The following KCNJ12 variants were observed in gnomAD, a reference collection of about 807,000 sequenced individuals.
KCNJ12 encodes ATP-sensitive inward rectifier potassium channel 12.
A neutral mutation model predicts 22.3 loss-of-function variants in KCNJ12; 2 were observed. The observed-to-expected ratio is 0.09, with a 90% confidence interval of 0.04 to 0.28. The LOEUF is 0.28. KCNJ12 is among the 10% of genes least tolerant of loss of function. The pLI is 1.00. For synonymous variants in KCNJ12, 117 were observed against 261.4 expected (o/e 0.45, Z 5.33); for missense variants, 155 against 633.3 (o/e 0.24, Z 8.11).
At chr17:21,390,570 G>C (rs547827916) in intron 1 of KCNJ12, among the ~76,000 whole-genome samples, 1 of 152,236 alleles carries the variant, frequency 6.6e-6, no homozygotes, top group African/African-American at 2.4e-5. Flanking sequence ...GGGATGGGGA[G>C]GGGGAGCAAT....
chr17:21,394,337 A>G (rs1905282522), intron 1 of KCNJ12, among the ~76,000 whole-genome samples: 1 of 152,222 alleles, frequency 6.6e-6, no homozygotes, highest in Admixed American at 6.5e-5. Flanking sequence ...CTTGCTGTAC[A>G]GGTTTGCTGC....
At position 21,402,716 on chromosome 17, in the gene KCNJ12, C is replaced by T. The variant is rs1314515626; in HGVS notation, c.-178-5803C>T. 5.9e-5 allele frequency among the ~76,000 whole-genome samples: 9 copies of T among 152,424 alleles called. No individual in the cohort carries two copies. In the South Asian group the frequency reaches 6.2e-4, roughly 11 times the overall value. ...AAGGAAGCTAAGAAAGCAACTGTAA[C>T]GTGCTCCCCTACAGAGAGCAGACAG... is the stretch of plus-strand genomic sequence containing the variant. On this transcript the variant is annotated intron_variant, in intron 1 of 2. Coordinates refer to ENST00000583088, the MANE Select transcript of KCNJ12 (RefSeq NM_021012.5).
chr17:21,388,890 T>C (rs1405736962), intron 1 of KCNJ12, among the ~76,000 whole-genome samples: 5 of 152,118 alleles, frequency 3.3e-5, no homozygotes, highest in African/African-American at 1.2e-4. Context: ...GGTAGAGACA[T>C]CCTGGGCCTG....
intron 1 of KCNJ12, among the ~76,000 whole-genome samples, chr17:21,395,337 G>T (rs1264664074): frequency 6.8e-6 from 1 of 148,080 alleles, no homozygotes; most frequent in Non-Finnish European, 1.5e-5. Context: ...ACTCATGCCT[G>T]TAATCCCAGC....
intron 1 of KCNJ12, among the ~76,000 whole-genome samples, chr17:21,384,414 C>T (rs1905001648): frequency 6.6e-6 from 1 of 152,120 alleles, no homozygotes; most frequent in Admixed American, 6.5e-5. Context: ...AGGAGAGGTA[C>T]CGAGTCCTCG....
chr17:21,415,927 G>C lies in KCNJ12; in HGVS notation c.585G>C (p.Leu195=). The change falls in exon 3 of 3, where the codon CTG becomes CTC. Residue 195 remains leucine (L), a synonymous_variant. Transcript: ENST00000583088. ...ARPKKRAQTL[L]FSHNAVVALR... ...CCAAGAAGCGGGCACAGACGCTGCT[G>C]TTCAGCCACAACGCCGTGGTGGCCC... The C allele has an allele frequency of 6.2e-7, 1 of 1,609,460 alleles. No homozygotes were observed. The highest frequency in any genetic ancestry group is 8.5e-7 in the Non-Finnish European group (1 of 1,178,306).
intron 1 of KCNJ12, among the ~76,000 whole-genome samples, chr17:21,403,898 T>A (rs1340439181): frequency 2.0e-5 from 3 of 152,302 alleles, no homozygotes; most frequent in Admixed American, 6.5e-5. Flanking sequence ...AGGATTTGAA[T>A]TCATGCCTTG....
chr17:21,378,939 G>C (rs1904770667), intron 1 of KCNJ12, among the ~76,000 whole-genome samples: 1 of 152,190 alleles, frequency 6.6e-6, no homozygotes, highest in Admixed American at 6.5e-5. Flanking sequence ...TGCCTGGGAA[G>C]TGGTGGAGGG....
chr17:21,412,122 A>T (rs1446531477), intron 2 of KCNJ12, among the ~76,000 whole-genome samples: 398 of 152,216 alleles, frequency 2.6e-3, no homozygotes, highest in African/African-American at 8.5e-3. Context: ...CTCAGTTTCC[A>T]GGGGTCCTGG....
Position 21,419,295 on chromosome 17 carries a change from CGTGTGTGT to C in KCNJ12, c.*2678_*2685del, listed in dbSNP as rs3078445. 0.013 allele frequency: 2,055 copies of C among 158,284 alleles called. 43 individuals are homozygous for C. Among genetic ancestry groups the C allele is most frequent in the African/African-American group, 0.05 (1,961 of 39,282 alleles). The allele number at this position is 158,284 out of a possible 1,614,324, so 9.8% of individuals were successfully genotyped here. On this transcript the variant is annotated 3_prime_UTR_variant, in exon 3 of 3. Coordinates refer to ENST00000583088, the MANE Select transcript of KCNJ12 (RefSeq NM_021012.5). ...TAGTAATACAGATACGTGATCTATACGTGTGTGTGTGTGTGTGTGTGTGTGTGTGTGTG... is the reference window on the plus strand; with the variant it reads ...TAGTAATACAGATACGTGATCTATACGTGTGTGTGTGTGTGTGTGTGTGTG...
chr17:21,397,782 C>T (rs1022389329), intron 1 of KCNJ12, among the ~76,000 whole-genome samples: 2 of 152,186 alleles, frequency 1.3e-5, no homozygotes, highest in African/African-American at 4.8e-5. Flanking sequence ...CTCAGGGCCT[C>T]ATACTCTGCC....
At chr17:21,409,325 G>GCGT (rs1906179490) in intron 2 of KCNJ12, among the ~76,000 whole-genome samples, 1 of 152,306 alleles carries the variant, frequency 6.6e-6, no homozygotes, top group South Asian at 2.1e-4. Context: ...AGGAGACTTG[G>GCGT]TGTGGGGCAT....
intron 1 of KCNJ12, among the ~76,000 whole-genome samples, chr17:21,390,654 A>T (rs1021637719): frequency 6.6e-6 from 1 of 152,002 alleles, no homozygotes; most frequent in South Asian, 2.1e-4. Flanking sequence ...AACAATAAGC[A>T]TTTCTTCCAG....
At chr17:21,377,866 C>T (rs1904720573) in intron 1 of KCNJ12, among the ~76,000 whole-genome samples, 1 of 152,128 alleles carries the variant, frequency 6.6e-6, no homozygotes, top group Non-Finnish European at 1.5e-5. Context: ...CTGGGACCTC[C>T]CCCTCCCCAT....
At position 21,417,784 on chromosome 17, in the gene KCNJ12, C is replaced by T. The variant is rs1251258077; in HGVS notation, c.*1140C>T. 6.0e-6 allele frequency: 1 copy of T among 166,752 alleles called. No homozygotes were observed. The highest frequency in any genetic ancestry group is 1.5e-5 in the Non-Finnish European group (1 of 68,164). The allele number at this position is 166,752 out of a possible 1,614,324, so 10.3% of individuals were successfully genotyped here. ...AAGTTCCTCCAGCCCCTCTGTCTGCCTTGTGAAGGTGGCAGGGGCCAGGTC... is the reference window on the plus strand; with the variant it reads ...AAGTTCCTCCAGCCCCTCTGTCTGCTTTGTGAAGGTGGCAGGGGCCAGGTC... On this transcript the variant is annotated 3_prime_UTR_variant, in exon 3 of 3. Transcript: ENST00000583088.
intron 1 of KCNJ12, among the ~76,000 whole-genome samples, chr17:21,395,835 G>A (rs1905345237): frequency 6.6e-6 from 1 of 152,186 alleles, no homozygotes; most frequent in African/African-American, 2.4e-5. Context: ...CACTGGCCTG[G>A]GGAGAGGGGA....
At chr17:21,386,346 C>T (rs1905068875) in intron 1 of KCNJ12, among the ~76,000 whole-genome samples, 1 of 152,132 alleles carries the variant, frequency 6.6e-6, no homozygotes, top group Non-Finnish European at 1.5e-5. Flanking sequence ...CTCTCTCTCA[C>T]TCTTTCTGTT....
At position 21,409,806 on chromosome 17, in the gene KCNJ12, A is replaced by T. The variant is rs1166770658; in HGVS notation, c.-57+1166A>T. Among the ~76,000 whole-genome samples the T allele has an allele frequency of 5.9e-5, 9 of 152,394 alleles. No homozygotes were observed. The East Asian group carries it at 7.7e-4, about 13-fold the overall frequency. On this transcript the variant is annotated intron_variant, in intron 2 of 2. Transcript: ENST00000583088. ...GCACCCACCACCCCATGCCCTGCAC[A>T]CAGTGATGTGTTGCTGCTGCCTCTC... is the stretch of plus-strand genomic sequence containing the variant.
At chr17:21,395,449 G>A (rs1905324325) in intron 1 of KCNJ12, among the ~76,000 whole-genome samples, 1 of 150,428 alleles carries the variant, frequency 6.6e-6, no homozygotes, top group South Asian at 2.1e-4. Context: ...ACAAAAATTA[G>A]CCGGGCATAG....
Sources: gnomAD v4.1 joint callset for allele counts (sites outside exome capture counted in the v4.1 genomes callset) on GRCh38, gnomAD v4.1.1 for gene constraint, MANE v1.5 for transcripts, NCBI Gene and HGNC (gene_info 2026-07-23, HGNC 2026-07-21) for gene names.